Variants in GNAQ observed in about 807,000 individuals in gnomAD.
The protein encoded by GNAQ is guanine nucleotide-binding protein G(q) subunit alpha.
A neutral mutation model predicts 43.9 loss-of-function variants in GNAQ; 8 were observed. That is an observed-to-expected ratio of 0.18 (90% confidence interval 0.11 to 0.33). GNAQ has a LOEUF of 0.33. GNAQ is among the 10% of genes least tolerant of loss of function. The probability of loss-of-function intolerance (pLI) is 1.00; values close to 1 mark genes in which losing one functional copy is unlikely to be tolerated. For synonymous variants in GNAQ, 155 were observed against 170.7 expected (o/e 0.91, Z 0.71); for missense variants, 158 against 450.8 (o/e 0.35, Z 5.88).
chr9:77,806,611 A>G (rs1440915135), intron 3 of GNAQ, among the ~76,000 whole-genome samples: 2 of 152,222 alleles, frequency 1.3e-5, no homozygotes, highest in Non-Finnish European at 2.9e-5. Flanking sequence ...AATAGTGTGC[A>G]GTAGAGGTGG....
intron 2 of GNAQ, among the ~76,000 whole-genome samples, chr9:77,870,319 T>C (rs905708220): frequency 8.7e-5 from 13 of 148,618 alleles, no homozygotes; most frequent in African/African-American, 3.2e-4. Context: ...CTTTTTTTGG[T>C]GCTAGTTTTT....
intron 2 of GNAQ, among the ~76,000 whole-genome samples, chr9:77,839,287 A>C (rs886912259): frequency 8.5e-5 from 13 of 152,220 alleles, no homozygotes; most frequent in Non-Finnish European, 1.8e-4. Flanking sequence ...ATGGCCATTC[A>C]AAAACTACTT....
At chr9:77,985,969 T>C (rs1823430886) in intron 1 of GNAQ, among the ~76,000 whole-genome samples, 2 of 152,156 alleles carry the variant, frequency 1.3e-5, no homozygotes. Context: ...TTTTTCCTTT[T>C]TCTGGACAGT....
chr9:77,773,397 CTGTG>C (rs1350085974), intron 5 of GNAQ, among the ~76,000 whole-genome samples: 3 of 152,178 alleles, frequency 2.0e-5, no homozygotes, highest in African/African-American at 7.2e-5. Flanking sequence ...TACTGAACAT[CTGTG>C]TGTTCCAGGA....
chr9:77,997,816 C>T lies in GNAQ; in HGVS notation c.136+33284G>A, dbSNP rs774943039. On this transcript the variant is annotated intron_variant, in intron 1 of 6. Coordinates refer to ENST00000286548, the MANE Select transcript of GNAQ (RefSeq NM_002072.5). ...GCAGTCCCTAGGCACCACTGTGTCTCGTCCCAAAGGGCATCTCAAGAGAGT... is the reference window on the plus strand; with the variant it reads ...GCAGTCCCTAGGCACCACTGTGTCTTGTCCCAAAGGGCATCTCAAGAGAGT... 3.2e-4 allele frequency among the ~76,000 whole-genome samples: 48 copies of T among 152,270 alleles called. 1 individual carries two copies. Among genetic ancestry groups the T allele is most frequent in the Admixed American group, 2.0e-4 (3 of 15,282 alleles).
chr9:77,727,677 C>T (rs1214896118), intron 6 of GNAQ, among the ~76,000 whole-genome samples: 1 of 152,158 alleles, frequency 6.6e-6, no homozygotes, highest in Non-Finnish European at 1.5e-5. Flanking sequence ...AGGCATCATG[C>T]TAAACGTACA....
chr9:78,018,958 T>C (rs2118598734), intron 1 of GNAQ, among the ~76,000 whole-genome samples: 1 of 152,236 alleles, frequency 6.6e-6, no homozygotes, highest in Admixed American at 6.5e-5. Flanking sequence ...AGAAACATCC[T>C]CCCACCCGCT....
At chr9:77,750,694 C>T (rs187144084) in intron 5 of GNAQ, among the ~76,000 whole-genome samples, 19 of 152,216 alleles carry the variant, frequency 1.2e-4, no homozygotes, top group Admixed American at 2.0e-4. Context: ...CCTGAAATCA[C>T]GTATGGCTTG....
intron 2 of GNAQ, among the ~76,000 whole-genome samples, chr9:77,920,341 T>G (rs902401369): frequency 6.6e-6 from 1 of 152,208 alleles, no homozygotes; most frequent in Non-Finnish European, 1.5e-5. Context: ...AATAAGATTT[T>G]GGGGGATAAA....
intron 2 of GNAQ, among the ~76,000 whole-genome samples, chr9:77,921,580 A>G (rs1301389625): frequency 6.6e-6 from 1 of 152,182 alleles, no homozygotes; most frequent in Non-Finnish European, 1.5e-5. Flanking sequence ...TATTCCCCCA[A>G]TCCTTTTTCA....
At chr9:77,855,931 T>C (rs190168075) in intron 2 of GNAQ, among the ~76,000 whole-genome samples, 188 of 152,308 alleles carry the variant, frequency 1.2e-3, no homozygotes, top group African/African-American at 4.4e-3. Context: ...TATGTATCTA[T>C]AGATATACAT....
At chr9:77,824,108 C>T (rs1036600334) in intron 2 of GNAQ, among the ~76,000 whole-genome samples, 1 of 152,184 alleles carries the variant, frequency 6.6e-6, no homozygotes, top group African/African-American at 2.4e-5. Context: ...ATGTCCCTAA[C>T]ATCCTTCAGA....
chr9:77,740,193 G>A (rs569292710), intron 5 of GNAQ, among the ~76,000 whole-genome samples: 1 of 152,362 alleles, frequency 6.6e-6, no homozygotes, highest in African/African-American at 2.4e-5. Flanking sequence ...GGTGGTATCA[G>A]TGGATAAGAA....
intron 4 of GNAQ, among the ~76,000 whole-genome samples, chr9:77,795,805 G>A (rs1009811929): frequency 1.3e-5 from 2 of 152,166 alleles, no homozygotes; most frequent in Non-Finnish European, 2.9e-5. Flanking sequence ...GTCACACTGG[G>A]CCGTAAAAGA....
chr9:77,992,089 T>A (rs1371841176), intron 1 of GNAQ, among the ~76,000 whole-genome samples: 1 of 152,256 alleles, frequency 6.6e-6, no homozygotes, highest in Non-Finnish European at 1.5e-5. Context: ...CACCCAGTAG[T>A]GTGACTGCTG....
intron 5 of GNAQ, among the ~76,000 whole-genome samples, chr9:77,747,264 A>G (rs1271766125): frequency 6.6e-6 from 1 of 152,210 alleles, no homozygotes; most frequent in African/African-American, 2.4e-5. Context: ...TAACAGAAAC[A>G]TCAAAAGGCA....
intron 1 of GNAQ, among the ~76,000 whole-genome samples, chr9:77,989,696 A>T (rs1823485249): frequency 6.6e-6 from 1 of 152,200 alleles, no homozygotes; most frequent in African/African-American, 2.4e-5. Flanking sequence ...AGCCTTCCCT[A>T]CCACTGGACT....
At chr9:78,000,631 TTACA>T (rs768461573) in intron 1 of GNAQ, among the ~76,000 whole-genome samples, 6 of 152,172 alleles carry the variant, frequency 3.9e-5, no homozygotes, top group Non-Finnish European at 5.9e-5. Flanking sequence ...TCTGCTAAGA[TTACA>T]TACCAATAAT....
chr9:78,010,219 C>CA (rs1312094973), intron 1 of GNAQ, among the ~76,000 whole-genome samples: 1 of 152,094 alleles, frequency 6.6e-6, no homozygotes, highest in Admixed American at 6.5e-5. Context: ...GGCAAGAACT[C>CA]ACGATGGTTC....
Sources: allele counts gnomAD v4.1 joint callset (sites outside exome capture counted in the v4.1 genomes callset), GRCh38; gene constraint gnomAD v4.1.1; transcripts MANE v1.5; gene names NCBI Gene and HGNC (gene_info 2026-07-23, HGNC 2026-07-21).